Variants in DLG2 observed in about 807,000 individuals in gnomAD.
DLG2 encodes discs large MAGUK scaffold protein 2, also known as disks large homolog 2.
A neutral mutation model predicts 132.5 loss-of-function variants in DLG2; 45 were observed. The observed-to-expected ratio is 0.34, with a 90% CI of 0.27 to 0.44. DLG2 has a LOEUF of 0.44. Ranked by LOEUF, DLG2 falls within the 20% of genes least tolerant of loss-of-function variation. DLG2 has a pLI of 1.00. For missense variants in DLG2, 1,045 were observed against 1,196.9 expected (o/e 0.87, Z 1.87); for synonymous variants, 424 against 419.6 (o/e 1.01, Z -0.13).
At chr11:84,723,188 T>C (rs2062033386) in intron 6 of DLG2, among the ~76,000 whole-genome samples, 1 of 152,134 alleles carries the variant, frequency 6.6e-6, no homozygotes, top group Non-Finnish European at 1.5e-5. Context: ...AAAAGTATTG[T>C]ATGCTCCATA....
At chr11:84,325,508 T>C (rs1330157857) in intron 7 of DLG2, among the ~76,000 whole-genome samples, 4 of 152,194 alleles carry the variant, frequency 2.6e-5, no homozygotes, top group Non-Finnish European at 5.9e-5. Flanking sequence ...TTGATATAAT[T>C]GCATTATTTT....
intron 6 of DLG2, among the ~76,000 whole-genome samples, chr11:84,856,992 G>T (rs952532261): frequency 1.3e-5 from 2 of 151,738 alleles, no homozygotes; most frequent in Non-Finnish European, 2.9e-5. Context: ...CTATAGGAGA[G>T]GAGTGTCAAC....
intron 6 of DLG2, among the ~76,000 whole-genome samples, chr11:85,026,823 C>A (rs1197099878): frequency 6.6e-6 from 1 of 151,792 alleles, no homozygotes; most frequent in Non-Finnish European, 1.5e-5. Context: ...GGTGAGAGAG[C>A]AAGACTCTGT....
At chr11:84,275,639 GC>G (rs1368160675) in intron 7 of DLG2, among the ~76,000 whole-genome samples, 2 of 152,234 alleles carry the variant, frequency 1.3e-5, no homozygotes, top group Admixed American at 1.3e-4. Context: ...ACAGGCATGA[GC>G]CACACACCCA....
At chr11:83,780,810 T>C (rs947796495) in intron 18 of DLG2, among the ~76,000 whole-genome samples, 2 of 152,182 alleles carry the variant, frequency 1.3e-5, no homozygotes, top group Admixed American at 1.3e-4. Context: ...TGACCAATCA[T>C]TGGGTGACAC....
intron 11 of DLG2, among the ~76,000 whole-genome samples, chr11:83,991,174 T>C (rs1033344831): frequency 4.6e-5 from 7 of 152,198 alleles, no homozygotes; most frequent in African/African-American, 1.7e-4. Context: ...CAAAGCATTA[T>C]CTTCTTACTC....
intron 3 of DLG2, among the ~76,000 whole-genome samples, chr11:85,322,332 T>C (rs935536599): frequency 6.6e-6 from 1 of 152,154 alleles, no homozygotes; most frequent in Non-Finnish European, 1.5e-5. Context: ...CTTTCCTCTA[T>C]GGTCATTCCA....
At chr11:83,540,649 T>C (rs17145376) in intron 20 of DLG2, among the ~76,000 whole-genome samples, 36,567 of 152,016 alleles carry the variant, frequency 0.24, 5,088 homozygotes, top group African/African-American at 0.36. Flanking sequence ...GAGGTTTAAG[T>C]TCCATCTCCC....
At chr11:84,279,836 A>C (rs972520313) in intron 7 of DLG2, among the ~76,000 whole-genome samples, 3 of 152,162 alleles carry the variant, frequency 2.0e-5, no homozygotes, top group African/African-American at 7.2e-5. Context: ...GGAGGGATAG[A>C]ATTAGGAGCA....
chr11:85,522,811 C>T (rs1336779167), intron 3 of DLG2, among the ~76,000 whole-genome samples: 1 of 152,182 alleles, frequency 6.6e-6, no homozygotes, highest in East Asian at 1.9e-4. Flanking sequence ...GCCTGTACCC[C>T]CATTGAATCT....
intron 6 of DLG2, among the ~76,000 whole-genome samples, chr11:84,561,740 A>C (rs2099429124): frequency 6.6e-6 from 1 of 152,182 alleles, no homozygotes; most frequent in Admixed American, 6.5e-5. Flanking sequence ...TTTCATTTGA[A>C]ATGCTAAGAA....
chr11:85,248,353 G>T (rs2076236626), intron 4 of DLG2, among the ~76,000 whole-genome samples: 1 of 152,024 alleles, frequency 6.6e-6, no homozygotes, highest in Non-Finnish European at 1.5e-5. Context: ...TTATTTTAAA[G>T]TTGCAATATG....
intron 6 of DLG2, among the ~76,000 whole-genome samples, chr11:84,710,704 A>C (rs1007439355): frequency 5.3e-5 from 8 of 151,826 alleles, no homozygotes; most frequent in Admixed American, 5.3e-4. Flanking sequence ...TCATCAAACT[A>C]AATAATTTAA....
intron 6 of DLG2, among the ~76,000 whole-genome samples, chr11:84,706,712 GAAGA>G (rs1262344242): frequency 2.8e-5 from 4 of 141,746 alleles, no homozygotes; most frequent in African/African-American, 1.0e-4. Flanking sequence ...AAGAAGAAAG[GAAGA>G]AAGGAAGGAA....
chr11:83,926,039 T>C (rs1367925175), intron 15 of DLG2, among the ~76,000 whole-genome samples: 1 of 152,148 alleles, frequency 6.6e-6, no homozygotes, highest in Non-Finnish European at 1.5e-5. Flanking sequence ...CCTCCAAACA[T>C]AATCTGCAGC....
At chr11:85,182,922 T>C (rs1309485835) in intron 4 of DLG2, among the ~76,000 whole-genome samples, 1 of 150,740 alleles carries the variant, frequency 6.6e-6, no homozygotes, top group Non-Finnish European at 1.5e-5. Flanking sequence ...AATGACACCC[T>C]AGTGGCCTGA....
intron 6 of DLG2, among the ~76,000 whole-genome samples, chr11:84,565,665 T>A (rs1258731414): frequency 6.6e-6 from 1 of 152,134 alleles, no homozygotes; most frequent in African/African-American, 2.4e-5. Flanking sequence ...ATGCTCTACC[T>A]CAAATTTATA....
chr11:84,474,536 A>T (rs140666060), intron 7 of DLG2, among the ~76,000 whole-genome samples: 2 of 151,800 alleles, frequency 1.3e-5, no homozygotes, highest in Non-Finnish European at 2.9e-5. Flanking sequence ...GTTGAAGCCA[A>T]CTCCTATAGA....
chr11:83,996,171 T>C (rs547584983), intron 11 of DLG2, among the ~76,000 whole-genome samples: 2 of 152,084 alleles, frequency 1.3e-5, no homozygotes, highest in Non-Finnish European at 2.9e-5. Context: ...AATATCTGAA[T>C]GGACATTTCT....
Sources: gnomAD v4.1 joint callset for allele counts (sites outside exome capture counted in the v4.1 genomes callset) on GRCh38, gnomAD v4.1.1 for gene constraint, MANE v1.5 for transcripts, NCBI Gene and HGNC (gene_info 2026-07-23, HGNC 2026-07-21) for gene names.